FAF1: variants seen among roughly 807,000 people sequenced by gnomAD.
The protein encoded by FAF1 is Fas associated factor 1.
FAF1 carries 25 observed loss-of-function variants against 92.5 expected under a neutral mutation model. The observed-to-expected ratio is 0.27, with a 90% CI of 0.20 to 0.38. The LOEUF (loss-of-function observed/expected upper bound fraction) is 0.38. FAF1 is among the 10% of genes least tolerant of loss of function. FAF1 has a pLI of 1.00. For missense variants in FAF1, 636 were observed against 793.3 expected (o/e 0.80, Z 2.38); for synonymous variants, 234 against 273.2 (o/e 0.86, Z 1.42).
rs373113215 is a variant in FAF1, at chr1:50,714,006, C to T, written c.552-8115G>A. 6.7e-5 allele frequency among the ~76,000 whole-genome samples: 10 copies of T among 148,194 alleles called. No individual in the cohort carries two copies. In the East Asian group the frequency reaches 1.7e-3, roughly 25 times the overall value. On this transcript the variant is annotated intron_variant, in intron 6 of 18. Transcript: ENST00000396153. Reference sequence around the variant, plus strand: ...CAGGCTGGTCTGGAACTCCTGACCTCGTGATCCACCCGCCTCTGCCTCCCA... The same window carrying T: ...CAGGCTGGTCTGGAACTCCTGACCTTGTGATCCACCCGCCTCTGCCTCCCA...
At chr1:50,679,914 A>G (rs1656346865) in intron 7 of FAF1, among the ~76,000 whole-genome samples, 1 of 152,204 alleles carries the variant, frequency 6.6e-6, no homozygotes, top group South Asian at 2.1e-4. Flanking sequence ...AATATATTCA[A>G]TTTCTGGTAA....
chr1:50,495,053 T>C (rs1026731366), intron 15 of FAF1, among the ~76,000 whole-genome samples: 7 of 152,128 alleles, frequency 4.6e-5, no homozygotes, highest in Non-Finnish European at 1.0e-4. Context: ...ATGCAATGGG[T>C]ATTAATTACT....
chr1:50,519,351 G>T (rs962695638), intron 15 of FAF1, among the ~76,000 whole-genome samples: 1 of 108,112 alleles, frequency 9.2e-6, no homozygotes, highest in African/African-American at 3.5e-5. Context: ...AAGGAATGAA[G>T]GAAGGAAGGA....
At chr1:50,540,284 T>C (rs2149040510) in intron 13 of FAF1, among the ~76,000 whole-genome samples, 1 of 152,242 alleles carries the variant, frequency 6.6e-6, no homozygotes, top group East Asian at 1.9e-4. Context: ...ATTCTTAGCC[T>C]TAAACACTAC....
intron 2 of FAF1, among the ~76,000 whole-genome samples, chr1:50,819,092 G>A (rs1644005835): frequency 6.6e-6 from 1 of 152,082 alleles, no homozygotes; most frequent in Admixed American, 6.5e-5. Context: ...TTGGATTTCA[G>A]ATATCCAGAC....
chr1:50,653,460 C>T (rs1344939113), intron 8 of FAF1, among the ~76,000 whole-genome samples: 1 of 152,188 alleles, frequency 6.6e-6, no homozygotes, highest in Non-Finnish European at 1.5e-5. Context: ...AAGTGATCCT[C>T]CTGCTTTAGC....
intron 1 of FAF1, among the ~76,000 whole-genome samples, chr1:50,893,339 C>G (rs140438824): frequency 6.6e-6 from 1 of 152,260 alleles, no homozygotes; most frequent in African/African-American, 2.4e-5. Flanking sequence ...GGAAGACTTT[C>G]CAGGTATTGG....
chr1:50,571,765 T>G (rs530284949), intron 12 of FAF1, among the ~76,000 whole-genome samples: 1 of 152,296 alleles, frequency 6.6e-6, no homozygotes, highest in Admixed American at 6.5e-5. Flanking sequence ...CAGTAGCTAT[T>G]GTATTTAGAC....
Position 50,813,368 on chromosome 1 carries a change from T to C in FAF1, c.115-11691A>G, listed in dbSNP as rs146589134. On this transcript the variant is annotated intron_variant, in intron 2 of 18. Coordinates refer to ENST00000396153, the MANE Select transcript of FAF1 (RefSeq NM_007051.3). ...ACTGAGAGGAAAACCATTGCTAATA[T>C]TTTAGTGTATATCCTTCCAGTCTTT... Among the ~76,000 whole-genome samples the C allele has an allele frequency of 3.8e-4, 58 of 152,260 alleles. 2 individuals carry two copies. The East Asian group carries it at 0.01, about 27-fold the overall frequency.
At chr1:50,822,126 T>C (rs1040086402) in intron 2 of FAF1, among the ~76,000 whole-genome samples, 2 of 151,592 alleles carry the variant, frequency 1.3e-5, no homozygotes, top group Non-Finnish European at 2.9e-5. Flanking sequence ...TTTAATAAGT[T>C]CTAATTTGAT....
At chr1:50,805,064 ATAT>A (rs1464251056) in intron 2 of FAF1, among the ~76,000 whole-genome samples, 2 of 152,214 alleles carry the variant, frequency 1.3e-5, no homozygotes, top group African/African-American at 2.4e-5. Flanking sequence ...TGCTAGGAAG[ATAT>A]TATATCTCTC....
intron 4 of FAF1, among the ~76,000 whole-genome samples, chr1:50,785,132 CAAA>C (rs748061344): frequency 0.016 from 962 of 59,092 alleles, 6 homozygotes; most frequent in African/African-American, 0.059. Context: ...GACCCTATCT[CAAA>C]AAAAAAAAAA....
chr1:50,896,281 T>C (rs1164802755), intron 1 of FAF1, among the ~76,000 whole-genome samples: 1 of 151,810 alleles, frequency 6.6e-6, no homozygotes, highest in Admixed American at 6.6e-5. Context: ...TGAGACCCTG[T>C]CTAAAAAAAA....
intron 17 of FAF1, among the ~76,000 whole-genome samples, chr1:50,485,154 T>C (rs1447461072): frequency 2.0e-5 from 3 of 151,430 alleles, no homozygotes; most frequent in Non-Finnish European, 4.4e-5. Context: ...AGAGATAGGG[T>C]CTTGCCATGT....
intron 1 of FAF1, among the ~76,000 whole-genome samples, chr1:50,942,349 A>C (rs577050052): frequency 6.6e-6 from 1 of 152,296 alleles, no homozygotes; most frequent in African/African-American, 2.4e-5. Context: ...AAAAGTGTAT[A>C]TATATGTACA....
At chr1:50,686,493 G>A (rs142348468) in intron 7 of FAF1, among the ~76,000 whole-genome samples, 1,955 of 151,618 alleles carry the variant, frequency 0.013, 41 homozygotes, top group African/African-American at 0.043. Context: ...CGTGAGCTGA[G>A]ATTGCACCAT....
At chr1:50,848,455 T>G (rs527806906) in intron 2 of FAF1, among the ~76,000 whole-genome samples, 1 of 152,190 alleles carries the variant, frequency 6.6e-6, no homozygotes, top group Non-Finnish European at 1.5e-5. Flanking sequence ...ATTATGTCAA[T>G]GGAGAATAAA....
chr1:50,815,581 G>A (rs1323482316), intron 2 of FAF1, among the ~76,000 whole-genome samples: 1 of 152,082 alleles, frequency 6.6e-6, no homozygotes, highest in Non-Finnish European at 1.5e-5. Flanking sequence ...AGCATTGCTG[G>A]GTAGAACGGC....
chr1:50,486,289 A>G (rs1357942598), intron 17 of FAF1, among the ~76,000 whole-genome samples: 1 of 152,172 alleles, frequency 6.6e-6, no homozygotes, highest in African/African-American at 2.4e-5. Context: ...ATTTTAATTC[A>G]CCCAAGATTC....
Sources: allele counts gnomAD v4.1 joint callset (sites outside exome capture counted in the v4.1 genomes callset), GRCh38; gene constraint gnomAD v4.1.1; transcripts MANE v1.5; gene names NCBI Gene and HGNC (gene_info 2026-07-23, HGNC 2026-07-21).